Variants in DNAH1 observed in about 807,000 individuals in gnomAD.
DNAH1 encodes the protein dynein axonemal heavy chain 1.
In DNAH1, 327 loss-of-function variants were observed where a neutral mutation model predicts 484.3. That is an observed-to-expected ratio of 0.68 (90% CI 0.62 to 0.74). The LOEUF (loss-of-function observed/expected upper bound fraction) is 0.74, where lower values mean the gene tolerates loss of function less well. Ranked by LOEUF, DNAH1 falls within the 30% of genes least tolerant of loss-of-function variation. DNAH1 has a pLI of 0.00. For missense variants in DNAH1, 5,052 were observed against 5,546.8 expected, an observed-to-expected ratio of 0.91 and a Z score of 2.83; for synonymous variants, 2,192 against 2,191.9, an observed-to-expected ratio of 1.00 and a Z score of 0.00.
chr3:52,355,483 G>A lies in DNAH1; in HGVS notation c.3693+428G>A, dbSNP rs987487669. On this transcript the variant is annotated intron_variant, in intron 21 of 77. Transcript: ENST00000420323. This position sits in a 1 kb window ranked among gnomAD's most constrained non-coding sequence, Gnocchi z 4.5. ...TGAGCTTCTGTTCTCATCTCATTTGGAGCTACCTTGGTTGAGGGGACTGGG... is the reference window on the plus strand; with the variant it reads ...TGAGCTTCTGTTCTCATCTCATTTGAAGCTACCTTGGTTGAGGGGACTGGG... Among the ~76,000 whole-genome samples the A allele has an allele frequency of 6.6e-6, 1 of 152,240 alleles. No homozygotes were observed. The highest frequency in any genetic ancestry group is 1.5e-5 in the Non-Finnish European group (1 of 68,036).
At position 52,322,965 on chromosome 3, in the gene DNAH1, A is replaced by T. The variant is rs191749027; in HGVS notation, c.333+190A>T. ...CATCCTTCCATCCATTTTTCTCACCACCCATGCATCTGTCCATTCATTCGA... is the reference window on the plus strand; with the variant it reads ...CATCCTTCCATCCATTTTTCTCACCTCCCATGCATCTGTCCATTCATTCGA... On this transcript the variant is annotated intron_variant, in intron 2 of 77. Transcript: ENST00000420323. 9.2e-5 allele frequency among the ~76,000 whole-genome samples: 14 copies of T among 151,644 alleles called. No homozygotes were observed. The East Asian group carries it at 2.5e-3, about 27-fold the overall frequency.
chr3:52,335,351 T>A (rs1701703953), intron 8 of DNAH1, among the ~76,000 whole-genome samples: 2 of 145,362 alleles, frequency 1.4e-5, no homozygotes, highest in South Asian at 4.4e-4. Context: ...TATAAGCTTT[T>A]TAAAAAAATG....
intron 67 of DNAH1, 85 bp from the exon 68 acceptor site, chr3:52,394,830 C>T: frequency 6.5e-7 from 1 of 1,547,184 alleles, no homozygotes; most frequent in Non-Finnish European, 8.8e-7. Context: ...CCACTCTCCC[C>T]AGCTGTCCGG....
intron 1 of DNAH1, among the ~76,000 whole-genome samples, chr3:52,321,122 C>CTT: frequency 7.1e-6 from 1 of 141,770 alleles, no homozygotes; most frequent in East Asian, 2.1e-4. Context: ...TTTCTTTTTT[C>CTT]TTTTTTTTTT....
At chr3:52,343,153 G>T (rs560017632) in intron 8 of DNAH1, among the ~76,000 whole-genome samples, 10 of 152,204 alleles carry the variant, frequency 6.6e-5, no homozygotes, top group Non-Finnish European at 1.3e-4. Flanking sequence ...GTGGCCTCAG[G>T]GGTAGCGAGG....
rs1265947864 is a variant in DNAH1 at position 52,397,844 on chromosome 3, A to G, written c.11925A>G (p.Lys3975=). Residue 3975 remains lysine (K), a synonymous_variant, in exon 74 of 78, where the codon AAA becomes AAG. Coordinates refer to ENST00000420323, the MANE Select transcript of DNAH1 (RefSeq NM_015512.5). ...GCACCATCATCCAGCTGCAACCCAA[A>G]TCATCTTCTGCAGGCAGCCAGGGCC... ...LLGTIIQLQP[K]SSSAGSQGRE... 1 of 1,610,522 alleles carries G rather than the reference A, an allele frequency of 6.2e-7. No individual in the cohort carries two copies. Among genetic ancestry groups the G allele is most frequent in the Non-Finnish European group, 8.5e-7 (1 of 1,178,122 alleles).
Position 52,365,125 on chromosome 3 carries a change from C to G in DNAH1, c.5518+106C>G, listed in dbSNP as rs192370218. 166 of 1,424,538 alleles carry G rather than the reference C, an allele frequency of 1.2e-4. No individual in the cohort carries two copies. The East Asian group carries it at 4.0e-3, about 34-fold the overall frequency. The allele number at this position is 1,424,538 out of a possible 1,614,324, so 88.2% of individuals were successfully genotyped here. ...CAGTCCAACCCCAGGGGCCCTCACA[C>G]CTGGCCAAGTGTGCTGCAGGCCCGG... On this transcript the variant is annotated intron_variant, in intron 34 of 77. Transcript: ENST00000420323.
intron 6 of DNAH1, among the ~76,000 whole-genome samples, chr3:52,329,178 C>T (rs1416451403): frequency 6.6e-6 from 1 of 152,164 alleles, no homozygotes; most frequent in African/African-American, 2.4e-5. Context: ...CACCAAGTAG[C>T]AGCCTCCATC....
At position 52,372,340 on chromosome 3, in the gene DNAH1, T is replaced by C; in HGVS notation, c.6780T>C (p.Thr2260=). ...ACTTCCTCACCTTCTCAGCCCGCAC[T>C]TCAGCCAACCAGACCCAGGACTTCA... is the stretch of plus-strand genomic sequence containing the variant. ...ISHFLTFSAR[T]SANQTQDFID... The change falls in exon 43 of 78, where the codon ACT becomes ACC. Residue 2260 remains threonine (T), a synonymous_variant. Transcript: ENST00000420323. The C allele has an allele frequency of 6.2e-7, 1 of 1,613,966 alleles. No homozygotes were observed. Among genetic ancestry groups the C allele is most frequent in the Non-Finnish European group, 8.5e-7 (1 of 1,179,882 alleles).
At chr3:52,391,139 C>G in intron 61 of DNAH1, 40 bp from the exon 62 acceptor site, 4 of 1,612,562 alleles carry the variant, frequency 2.5e-6, no homozygotes, top group Non-Finnish European at 3.4e-6. Flanking sequence ...CAGGCTGGCT[C>G]TCAGTCCCTG....
chr3:52,363,007 C>G lies in DNAH1; in HGVS notation c.5107C>G (p.Pro1703Ala). The part of the protein sequence containing the change: ...LPDNLKALFR[P>A]VAMMVPDYAM... ...CTGTGTGTCCCAGGCGCTCTTCCGACCCGTGGCCATGATGGTTCCAGATTA... is the reference window on the plus strand; with the variant it reads ...CTGTGTGTCCCAGGCGCTCTTCCGAGCCGTGGCCATGATGGTTCCAGATTA... The change falls in exon 32 of 78, where the codon CCC becomes GCC. Residue 1703 changes from proline (P) to alanine (A), a missense_variant. By Grantham distance (27) the Pro-to-Ala change is conservative. This residue lies in a region of DNAH1 where 2,929 missense variants were observed against 3,409.4 expected (regional missense o/e 0.86). Transcript: ENST00000420323. The G allele has an allele frequency of 6.2e-7, 1 of 1,613,936 alleles. No individual in the cohort carries two copies. The highest frequency in any genetic ancestry group is 8.5e-7 in the Non-Finnish European group (1 of 1,179,846).
intron 13 of DNAH1, 29 bp downstream of exon 13, chr3:52,349,110 G>A: frequency 6.2e-7 from 1 of 1,612,720 alleles, no homozygotes. Flanking sequence ...GCACGTCGGA[G>A]GGTGTCTGTG....
At chr3:52,340,021 G>T (rs982210826) in intron 8 of DNAH1, among the ~76,000 whole-genome samples, 2 of 152,068 alleles carry the variant, frequency 1.3e-5, no homozygotes, top group African/African-American at 4.8e-5. Context: ...ATGCCCTTAA[G>T]TCCCTTCCTT....
At position 52,398,138 on chromosome 3, in the gene DNAH1, CAGTACT is replaced by C. The variant is rs1179420158; in HGVS notation, c.12071_12076del (p.Leu4024_Val4025del). ...GTGCTGTATGAGGAATCAATGAACACAGTACTAGTACAAGAGGTCATTAGGTAATCA... is the reference window on the plus strand; with the variant it reads ...GTGCTGTATGAGGAATCAATGAACACAGTACAAGAGGTCATTAGGTAATCA... On this transcript the variant is annotated inframe_deletion, in exon 75 of 78. Transcript: ENST00000420323. The C allele has an allele frequency of 1.9e-6, 3 of 1,612,732 alleles. No individual in the cohort carries two copies. Among genetic ancestry groups the C allele is most frequent in the East Asian group, 2.2e-5 (1 of 44,880 alleles).
At chr3:52,351,254 T>C (rs1417001025) in intron 16 of DNAH1, among the ~76,000 whole-genome samples, 2 of 152,094 alleles carry the variant, frequency 1.3e-5, no homozygotes, top group Admixed American at 6.5e-5. Flanking sequence ...TGGTGGGCAG[T>C]CCCTGGAGAG....
rs771770736 is a variant in DNAH1 at position 52,398,181 on chromosome 3, C to A, written c.12089+19C>A. ...TCATTAGGTAATCACCCCGCCATAC[C>A]CCTGCCCCGAGTCAGCGGCCACTGG... On this transcript the variant is annotated intron_variant, in intron 75 of 77. Coordinates refer to ENST00000420323, the MANE Select transcript of DNAH1 (RefSeq NM_015512.5). 24 of 1,594,202 alleles carry A rather than the reference C, an allele frequency of 1.5e-5. No homozygotes were observed. The African/African-American group carries it at 2.8e-4, about 19-fold the overall frequency.
chr3:52,341,365 A>G (rs1250612067), intron 8 of DNAH1, among the ~76,000 whole-genome samples: 7 of 152,058 alleles, frequency 4.6e-5, no homozygotes, highest in African/African-American at 1.7e-4. Context: ...CTCTCAGGAG[A>G]AATCTATAAG....
Position 52,400,477 on chromosome 3 carries a change from C to G in DNAH1, c.*31C>G. The G allele has an allele frequency of 9.9e-6, 16 of 1,613,726 alleles. No homozygotes were observed. Among genetic ancestry groups the G allele is most frequent in the Non-Finnish European group, 1.3e-5 (15 of 1,179,678 alleles). On this transcript the variant is annotated 3_prime_UTR_variant, in exon 78 of 78. Transcript: ENST00000420323. ...GACAGAAGGGCTGGGGCCATTAAAG[C>G]TGAATTTTCTAAGCAGTCCAGCTGT...
intron 6 of DNAH1, 136 bp downstream of exon 6, chr3:52,328,150 C>CCTGT: frequency 1.7e-6 from 2 of 1,174,722 alleles, no homozygotes; most frequent in Non-Finnish European, 1.2e-6. Context: ...GGTAGACAGG[C>CCTGT]CTAGAAGCTG....
Sources: gnomAD v4.1 joint callset for allele counts (sites outside exome capture counted in the v4.1 genomes callset) on GRCh38, gnomAD v4.1.1 for gene constraint, gnomAD v4.1.1 regional missense constraint, Gnocchi (gnomAD v3.1) non-coding constraint, MANE v1.5 for transcripts, NCBI Gene and HGNC (gene_info 2026-07-23, HGNC 2026-07-21) for gene names.